The following SETBP1 variants were observed in gnomAD, a reference collection of about 807,000 sequenced individuals.
SETBP1 encodes the protein SET binding protein 1.
In SETBP1, 9 loss-of-function variants were observed where a neutral mutation model predicts 101.0. The observed-to-expected ratio is 0.09, with a 90% CI of 0.05 to 0.16. The LOEUF is 0.16. SETBP1 is among the 10% of genes least tolerant of loss of function. The probability of loss-of-function intolerance (pLI) is 1.00; values close to 1 mark genes in which losing one functional copy is unlikely to be tolerated. For missense variants in SETBP1, 1,858 were observed against 2,033.8 expected (o/e 0.91, Z 1.66); for synonymous variants, 818 against 788.5 (o/e 1.04, Z -0.63).
intron 2 of SETBP1, among the ~76,000 whole-genome samples, chr18:44,830,536 G>A (rs1393759300): frequency 6.6e-6 from 1 of 152,138 alleles, no homozygotes; most frequent in Non-Finnish European, 1.5e-5. Context: ...TCCTCTAATT[G>A]CACTGAGGAG....
At chr18:44,749,879 A>G (rs2070342977) in intron 2 of SETBP1, among the ~76,000 whole-genome samples, 1 of 152,052 alleles carries the variant, frequency 6.6e-6, no homozygotes, top group African/African-American at 2.4e-5. Flanking sequence ...TGATATGCCA[A>G]TGCATGGTGA....
At chr18:44,888,966 A>T (rs1037982124) in intron 3 of SETBP1, among the ~76,000 whole-genome samples, 11 of 152,162 alleles carry the variant, frequency 7.2e-5, no homozygotes, top group African/African-American at 2.7e-4. Flanking sequence ...CCACTCCAGC[A>T]AGTGGAAGCT....
At chr18:44,875,570 C>T (rs922455214) in intron 3 of SETBP1, among the ~76,000 whole-genome samples, 8 of 144,980 alleles carry the variant, frequency 5.5e-5, no homozygotes, top group African/African-American at 1.8e-4. Flanking sequence ...GAAATTGAAG[C>T]TCTGGGTTTT....
chr18:44,717,668 T>C (rs1358960581), intron 2 of SETBP1, among the ~76,000 whole-genome samples: 5 of 152,240 alleles, frequency 3.3e-5, no homozygotes, highest in African/African-American at 4.8e-5. Flanking sequence ...TGCACTAAAT[T>C]GGTAAAAATA....
At position 44,950,792 on chromosome 18, in the gene SETBP1, A is replaced by G; in HGVS notation, c.1452A>G (p.Gly484=). Residue 484 remains glycine, a synonymous_variant, in exon 4 of 6, where the codon GGA becomes GGG. Transcript: ENST00000649279. ...CCTCAGTTGGCCTTGAAACTGGTGG[A>G]AATGCTGAGAAAGTTATCCCAGGAG... ...ESPSVGLETG[G]NAEKVIPGGV... 1 of 1,614,148 alleles carries G rather than the reference A, an allele frequency of 6.2e-7. No individual in the cohort carries two copies. Among genetic ancestry groups the G allele is most frequent in the South Asian group, 1.1e-5 (1 of 91,084 alleles).
chr18:44,907,697 G>C (rs2070207056), intron 3 of SETBP1, among the ~76,000 whole-genome samples: 1 of 152,004 alleles, frequency 6.6e-6, no homozygotes, highest in African/African-American at 2.4e-5. Flanking sequence ...TTTTTCAACT[G>C]GGTTGTCTTT....
intron 3 of SETBP1, among the ~76,000 whole-genome samples, chr18:44,935,809 C>T (rs1482662179): frequency 6.6e-6 from 1 of 152,182 alleles, no homozygotes; most frequent in East Asian, 1.9e-4. Flanking sequence ...TTAACTTTCT[C>T]CAGGAGGCAG....
chr18:44,743,903 A>G (rs902009868), intron 2 of SETBP1, among the ~76,000 whole-genome samples: 4 of 152,232 alleles, frequency 2.6e-5, no homozygotes, highest in Admixed American at 2.6e-4. Flanking sequence ...CTCTAGCAGA[A>G]GCCTTTTGTT....
chr18:44,791,619 C>T (rs543699536), intron 2 of SETBP1, among the ~76,000 whole-genome samples: 6 of 152,072 alleles, frequency 3.9e-5, no homozygotes, highest in Non-Finnish European at 7.3e-5. Context: ...GAAGAAGAAT[C>T]GCTGTCTGGT....
chr18:44,962,869 G>T (rs1567995486), intron 4 of SETBP1, among the ~76,000 whole-genome samples: 1 of 152,078 alleles, frequency 6.6e-6, no homozygotes, highest in African/African-American at 2.4e-5. Context: ...AAGAAGATGG[G>T]GCTCACCTTG....
At chr18:44,711,988 T>G (rs1403416475) in intron 2 of SETBP1, among the ~76,000 whole-genome samples, 2 of 152,314 alleles carry the variant, frequency 1.3e-5, no homozygotes, top group East Asian at 3.9e-4. Flanking sequence ...CCTTCTTCCC[T>G]GGGCCAACTT....
intron 2 of SETBP1, among the ~76,000 whole-genome samples, chr18:44,771,797 G>C (rs2070880751): frequency 6.6e-6 from 1 of 152,138 alleles, no homozygotes; most frequent in Non-Finnish European, 1.5e-5. Flanking sequence ...GGCCCCTGGA[G>C]GTGCAGCAAG....
At chr18:45,024,773 G>A (rs2073132919) in intron 4 of SETBP1, among the ~76,000 whole-genome samples, 1 of 152,168 alleles carries the variant, frequency 6.6e-6, no homozygotes, top group Admixed American at 6.5e-5. Context: ...GAGGAGGGTT[G>A]AAAGAAATGC....
At chr18:44,983,611 A>G (rs1197038957) in intron 4 of SETBP1, among the ~76,000 whole-genome samples, 1 of 152,192 alleles carries the variant, frequency 6.6e-6, no homozygotes, top group Non-Finnish European at 1.5e-5. Context: ...CTGCTGCAGC[A>G]GCAGGCCTTA....
chr18:44,728,457 A>G (rs1013033628), intron 2 of SETBP1, among the ~76,000 whole-genome samples: 1 of 152,196 alleles, frequency 6.6e-6, no homozygotes, highest in Non-Finnish European at 1.5e-5. Flanking sequence ...GGTACCTGTT[A>G]CTGATGTTCC....
intron 2 of SETBP1, among the ~76,000 whole-genome samples, chr18:44,809,894 A>T (rs570822501): frequency 6.6e-6 from 1 of 152,302 alleles, no homozygotes; most frequent in Admixed American, 6.5e-5. Context: ...TAATGCAGAA[A>T]GCAAGGGTCC....
At chr18:44,722,532 T>C (rs572645442) in intron 2 of SETBP1, among the ~76,000 whole-genome samples, 1 of 152,352 alleles carries the variant, frequency 6.6e-6, no homozygotes, top group African/African-American at 2.4e-5. Flanking sequence ...CAATTAATTC[T>C]ACAGTGTTTA....
intron 2 of SETBP1, among the ~76,000 whole-genome samples, chr18:44,823,063 G>A (rs2072150616): frequency 6.6e-6 from 1 of 152,162 alleles, no homozygotes. Flanking sequence ...CTCAGGTGGT[G>A]GAGGTTGCAG....
intron 2 of SETBP1, among the ~76,000 whole-genome samples, chr18:44,850,111 G>A (rs1274265999): frequency 2.0e-5 from 3 of 152,152 alleles, no homozygotes; most frequent in Admixed American, 1.3e-4. Flanking sequence ...TTGTCCAAAA[G>A]TTGGATCTGG....
Sources: gnomAD v4.1 joint callset for allele counts (sites outside exome capture counted in the v4.1 genomes callset) on GRCh38, gnomAD v4.1.1 for gene constraint, MANE v1.5 for transcripts, NCBI Gene and HGNC (gene_info 2026-07-23, HGNC 2026-07-21) for gene names.